Variants in ATP2A1 observed in about 807,000 individuals in gnomAD.
ATP2A1 encodes the protein sarcoplasmic/endoplasmic reticulum calcium ATPase 1.
In ATP2A1, 83 loss-of-function variants were observed where a neutral mutation model predicts 109.5. That is an observed-to-expected ratio of 0.76 (90% CI 0.63 to 0.91). The LOEUF (loss-of-function observed/expected upper bound fraction) is 0.91. ATP2A1 is among the 40% of genes least tolerant of loss of function. The pLI, the probability that ATP2A1 is intolerant of heterozygous loss-of-function variation, is 0.00. For missense variants in ATP2A1, 1,101 were observed against 1,341.0 expected, an observed-to-expected ratio of 0.82 and a Z score of 2.80; for synonymous variants, 505 against 537.6, an observed-to-expected ratio of 0.94 and a Z score of 0.84.
At position 28,904,159 on chromosome 16, in the gene ATP2A1, C is replaced by T. The variant is rs199700486; in HGVS notation, c.*38-21C>T. The T allele has an allele frequency of 3.7e-6, 6 of 1,602,034 alleles. No individual in the cohort carries two copies. In the African/African-American group the frequency reaches 8.1e-5, roughly 21 times the overall value. ...GCTGCCCTCCTGCCGCCTGCCTCAT[C>T]CCTTCTCTTTCCCCTTCCAGATCCA... On this transcript the variant is annotated intron_variant, in intron 22 of 22. Coordinates refer to ENST00000395503, the MANE Select transcript of ATP2A1 (RefSeq NM_004320.6).
At chr16:28,891,156 C>T (rs1274090379) in intron 9 of ATP2A1, among the ~76,000 whole-genome samples, 1 of 151,478 alleles carries the variant, frequency 6.6e-6, no homozygotes, top group Non-Finnish European at 1.5e-5. Flanking sequence ...ATTAGTTGGG[C>T]GTGTTGGCAG....
Position 28,899,988 on chromosome 16 carries a change from C to CA in ATP2A1, c.1765-585dup, listed in dbSNP as rs201133146. On this transcript the variant is annotated intron_variant, in intron 14 of 22. Transcript: ENST00000395503. Reference sequence around the variant, plus strand: ...TCAAAAAACAAAACAAAAACAAAAACAAAAAAAAGGAAAGACACGATTTGG... The same window carrying CA: ...TCAAAAAACAAAACAAAAACAAAAACAAAAAAAAAGGAAAGACACGATTTGG... Among the ~76,000 whole-genome samples, 297 of 147,506 alleles carry CA rather than the reference C, an allele frequency of 2.0e-3. 1 individual carries two copies. The highest frequency in any genetic ancestry group is 6.8e-3 in the African/African-American group (273 of 39,894).
rs148569629 is a variant in ATP2A1 at position 28,902,849 on chromosome 16, C to T, written c.2682C>T (p.Pro894=). The part of the protein sequence containing the change: ...EGIDCEVFEA[P]EPMTMALSVL... ...TAGACTGTGAGGTCTTCGAGGCCCC[C>T]GAGCCCATGACCATGGCCCTGTCCG... is the stretch of plus-strand genomic sequence containing the variant. The change falls in exon 19 of 23, where the codon CCC becomes CCT. Residue 894 remains proline (P), a synonymous_variant. Transcript: ENST00000395503. This position sits in a 1 kb window ranked among gnomAD's most constrained non-coding sequence, Gnocchi z 4.8. The T allele has an allele frequency of 6.1e-5, 98 of 1,613,940 alleles. No individual in the cohort carries two copies. The highest frequency in any genetic ancestry group is 7.5e-5 in the Non-Finnish European group (89 of 1,179,940).
In ATP2A1 at chr16:28,901,904, T is replaced by A. The variant is rs757653709; in HGVS notation, c.2142T>A (p.Ala714=). 1 of 1,613,854 alleles carries A rather than the reference T, an allele frequency of 6.2e-7. No homozygotes were observed. Among genetic ancestry groups the A allele is most frequent in the African/African-American group, 1.3e-5 (1 of 74,946 alleles). ...GVNDAPALKK[A]EIGIAMGSGT... ...ATGACGCCCCTGCCCTGAAGAAGGCTGAGATTGGCATTGCCATGGGATCTG... is the reference window on the plus strand; with the variant it reads ...ATGACGCCCCTGCCCTGAAGAAGGCAGAGATTGGCATTGCCATGGGATCTG... Residue 714 remains alanine, a synonymous_variant, in exon 16 of 23, where the codon GCT becomes GCA. Transcript: ENST00000395503.
chr16:28,885,492 C>CTGT (rs1262419079), intron 6 of ATP2A1, among the ~76,000 whole-genome samples: 1 of 151,906 alleles, frequency 6.6e-6, no homozygotes, highest in Non-Finnish European at 1.5e-5. Flanking sequence ...TACAGACGTC[C>CTGT]ACCATCACAC....
Position 28,902,510 on chromosome 16 carries a change from T to A in ATP2A1, c.2525-70T>A. 1 of 1,571,890 alleles carries A rather than the reference T, an allele frequency of 6.4e-7. No individual in the cohort carries two copies. Among genetic ancestry groups the A allele is most frequent in the Non-Finnish European group, 8.7e-7 (1 of 1,148,066 alleles). On this transcript the variant is annotated intron_variant, in intron 17 of 22. Coordinates refer to ENST00000395503, the MANE Select transcript of ATP2A1 (RefSeq NM_004320.6). This position sits in a 1 kb window ranked among gnomAD's most constrained non-coding sequence, Gnocchi z 4.8. The stretch of plus-strand genomic sequence containing the variant: ...CTTGGCCAGCCTGTCCATGGCCACA[T>A]GAGGCCCTCAACCCTCGATGCCCCC...
intron 4 of ATP2A1, 89 bp downstream of exon 4, chr16:28,881,108 C>T: frequency 7.7e-7 from 1 of 1,299,784 alleles, no homozygotes. Context: ...TCCATCACCT[C>T]CCCCATACTT....
intron 2 of ATP2A1, 125 bp downstream of exon 2, chr16:28,879,241 T>C (rs1165080660): frequency 1.6e-6 from 2 of 1,262,464 alleles, no homozygotes; most frequent in East Asian, 4.9e-5. Flanking sequence ...CAAATCTCCC[T>C]CCCTAAAGGT....
intron 9 of ATP2A1, 118 bp from the exon 10 acceptor site, chr16:28,894,037 G>C (rs1420379540): frequency 1.2e-6 from 1 of 802,676 alleles, no homozygotes; most frequent in Non-Finnish European, 2.1e-6. Context: ...GAGGAGGGGT[G>C]AGTAGGAGGG....
In ATP2A1 at chr16:28,902,756, G is replaced by A. The variant is rs201592038; in HGVS notation, c.2611-22G>A. ...GGCATGGAGGTGGCCCTGGACCTCA[G>A]TCTCCCGTACCTTCCCTGCAGACTC... is the stretch of plus-strand genomic sequence containing the variant. On this transcript the variant is annotated intron_variant, in intron 18 of 22. Coordinates refer to ENST00000395503, the MANE Select transcript of ATP2A1 (RefSeq NM_004320.6). This position sits in a 1 kb window ranked among gnomAD's most constrained non-coding sequence, Gnocchi z 4.8. 5.6e-6 allele frequency: 9 copies of A among 1,613,480 alleles called. No homozygotes were observed. Among genetic ancestry groups the A allele is most frequent in the Middle Eastern group, 1.6e-4 (1 of 6,080 alleles).
chr16:28,897,624 T>C (rs748567801), intron 12 of ATP2A1, among the ~76,000 whole-genome samples: 33 of 152,188 alleles, frequency 2.2e-4, no homozygotes, highest in Non-Finnish European at 4.3e-4. Flanking sequence ...CACTGCAATC[T>C]CTGCCCAGCT....
chr16:28,898,692 C>T lies in ATP2A1; in HGVS notation c.1764+241C>T, dbSNP rs1256399613. ...GCTGAGATGGGAAAAGCGCTTGAGC[C>T]CAGGAGTTCAAGACCAGCCTGGGCA... is the stretch of plus-strand genomic sequence containing the variant. On this transcript the variant is annotated intron_variant, in intron 14 of 22. Coordinates refer to ENST00000395503, the MANE Select transcript of ATP2A1 (RefSeq NM_004320.6). This position sits in a 1 kb window ranked among gnomAD's most constrained non-coding sequence, Gnocchi z 4.0. Among the ~76,000 whole-genome samples the T allele has an allele frequency of 1.3e-5, 2 of 151,870 alleles. No individual in the cohort carries two copies. Among genetic ancestry groups the T allele is most frequent in the African/African-American group, 4.8e-5 (2 of 41,302 alleles).
rs571392375 is a variant in ATP2A1 at position 28,893,645 on chromosome 16, G to GT, written c.1096-501dup. Reference sequence around the variant, plus strand: ...ACAGCCTGCGGTCACTCGTTTGTGGGTTTTTTTTTGTTTTTTTTTTTTTTT... The same window carrying GT: ...ACAGCCTGCGGTCACTCGTTTGTGGGTTTTTTTTTTGTTTTTTTTTTTTTTT... On this transcript the variant is annotated intron_variant, in intron 9 of 22. Transcript: ENST00000395503. Among the ~76,000 whole-genome samples, 1,138 of 114,806 alleles carry GT rather than the reference G, an allele frequency of 9.9e-3. 6 individuals carry two copies. The highest frequency in any genetic ancestry group is 0.024 in the South Asian group (72 of 3,014). 75.3% of individuals were successfully genotyped at this position (114,806 alleles called of 152,430 possible). A position where few individuals can be genotyped will look rare whatever the true frequency, so the allele number is the denominator to read the frequency against.
chr16:28,878,839 C>G, intron 1 of ATP2A1, 50 bp downstream of exon 1: 1 of 1,570,926 alleles, frequency 6.4e-7, no homozygotes. Flanking sequence ...TCCTGCACCC[C>G]CAAAACACAC....
chr16:28,890,258 C>A (rs1220946699), intron 9 of ATP2A1, among the ~76,000 whole-genome samples: 1 of 128,776 alleles, frequency 7.8e-6, no homozygotes, highest in Admixed American at 8.2e-5. Flanking sequence ...AATTCGAGAC[C>A]AGCCTAAGCA....
intron 7 of ATP2A1, 54 bp from the exon 8 acceptor site, chr16:28,887,371 G>T: frequency 6.2e-7 from 1 of 1,612,248 alleles, no homozygotes. Flanking sequence ...GTGGGGAGAT[G>T]CGGCATGAGG....
At chr16:28,894,029 G>C in intron 9 of ATP2A1, 126 bp from the exon 10 acceptor site, 2 of 759,914 alleles carry the variant, frequency 2.6e-6, no homozygotes, top group Non-Finnish European at 4.6e-6. Context: ...GGGGGGATGA[G>C]GAGGGGTGAG....
At chr16:28,904,145 G>A in intron 22 of ATP2A1, 35 bp from the exon 23 acceptor site, 5 of 1,583,060 alleles carry the variant, frequency 3.2e-6, no homozygotes, top group Non-Finnish European at 3.5e-6. Context: ...CTGCCCTCCT[G>A]CCGCCTGCCT....
At chr16:28,897,450 C>T (rs1206584295) in intron 12 of ATP2A1, among the ~76,000 whole-genome samples, 1 of 152,118 alleles carries the variant, frequency 6.6e-6, no homozygotes, top group Non-Finnish European at 1.5e-5. Flanking sequence ...GCTATGATCA[C>T]GTCATTGTAC....
Sources: allele counts gnomAD v4.1 joint callset (sites outside exome capture counted in the v4.1 genomes callset), GRCh38; gene constraint gnomAD v4.1.1; non-coding constraint Gnocchi (gnomAD v3.1); transcripts MANE v1.5; gene names NCBI Gene and HGNC (gene_info 2026-07-23, HGNC 2026-07-21).